Variants in SNX29 observed in about 807,000 individuals in gnomAD.
SNX29 encodes the protein sorting nexin-29.
In SNX29, 78 loss-of-function variants were observed where a neutral mutation model predicts 102.1. That is an observed-to-expected ratio of 0.76 (90% confidence interval 0.64 to 0.92). The LOEUF (loss-of-function observed/expected upper bound fraction) is 0.92, where lower values mean the gene tolerates loss of function less well. SNX29 is among the 40% of genes least tolerant of loss of function. The pLI, the probability that SNX29 is intolerant of heterozygous loss-of-function variation, is 0.00. For missense variants in SNX29, 1,280 were observed against 1,061.7 expected, an observed-to-expected ratio of 1.21 and a Z score of -2.86; for synonymous variants, 580 against 414.5, an observed-to-expected ratio of 1.40 and a Z score of -4.85.
intron 20 of SNX29, among the ~76,000 whole-genome samples, chr16:12,534,188 A>G (rs2077007071): frequency 6.6e-6 from 1 of 152,330 alleles, no homozygotes; most frequent in African/African-American, 2.4e-5. Flanking sequence ...GGTCTTCATA[A>G]GAGTGTGGGC....
At chr16:12,049,088 C>T (rs1426600500) in intron 7 of SNX29, among the ~76,000 whole-genome samples, 1 of 152,122 alleles carries the variant, frequency 6.6e-6, no homozygotes, top group Admixed American at 6.5e-5. Flanking sequence ...GCATAGACTG[C>T]TATGGGGAAC....
At chr16:12,203,178 G>C (rs113668050) in intron 14 of SNX29, among the ~76,000 whole-genome samples, 3,262 of 152,108 alleles carry the variant, frequency 0.021, 54 homozygotes, top group Admixed American at 0.048. Context: ...CAGGTGGACT[G>C]GTGGCGTTGG....
Position 12,342,178 on chromosome 16 carries a change from C to T in SNX29, c.1783-13985C>T, listed in dbSNP as rs1258568504. Among the ~76,000 whole-genome samples, 7 of 152,254 alleles carry T rather than the reference C, an allele frequency of 4.6e-5. No individual in the cohort carries two copies. The East Asian group carries it at 5.8e-4, about 13-fold the overall frequency. ...GATACTTTTGCACTTACCTTCACTG[C>T]GTATATCATGGGGATATGAGTCACC... is the stretch of plus-strand genomic sequence containing the variant. On this transcript the variant is annotated intron_variant, in intron 15 of 20. Transcript: ENST00000566228.
intron 13 of SNX29, among the ~76,000 whole-genome samples, chr16:12,178,355 G>A (rs575257973): frequency 1.4e-4 from 21 of 152,286 alleles, no homozygotes; most frequent in African/African-American, 5.1e-4. Context: ...GCAGCCAGAA[G>A]AGGTGGGAGG....
At chr16:12,093,191 A>G (rs1398966559) in intron 11 of SNX29, among the ~76,000 whole-genome samples, 1 of 152,172 alleles carries the variant, frequency 6.6e-6, no homozygotes, top group Non-Finnish European at 1.5e-5. Flanking sequence ...AGATATGTAA[A>G]TCCTTTCTGC....
At chr16:12,502,124 G>C (rs543907941) in intron 19 of SNX29, among the ~76,000 whole-genome samples, 182 of 152,292 alleles carry the variant, frequency 1.2e-3, no homozygotes, top group African/African-American at 4.2e-3. Flanking sequence ...AACATGCTCC[G>C]TCCAGATGTG....
At chr16:12,068,183 G>A (rs1255242710) in intron 9 of SNX29, among the ~76,000 whole-genome samples, 14 of 151,954 alleles carry the variant, frequency 9.2e-5, no homozygotes, top group Admixed American at 9.2e-4. Flanking sequence ...GCTCAAGGTC[G>A]AAAATGTCAC....
At chr16:12,087,790 G>A in intron 11 of SNX29, 1 of 451,784 alleles carries the variant, frequency 2.2e-6, no homozygotes. Flanking sequence ...CAAACTTCTG[G>A]GGCTGCAGCT....
intron 18 of SNX29, among the ~76,000 whole-genome samples, chr16:12,458,543 A>T (rs2086633640): frequency 6.6e-6 from 1 of 152,136 alleles, no homozygotes. Context: ...GACAGCTATC[A>T]CTGGTCCTGT....
chr16:12,493,443 G>A (rs1021188568), intron 19 of SNX29, among the ~76,000 whole-genome samples: 15 of 152,086 alleles, frequency 9.9e-5, no homozygotes, highest in African/African-American at 2.9e-4. Context: ...GGGCTGAGAC[G>A]ATGGGGTTTT....
chr16:12,459,460 G>C (rs933557013), intron 18 of SNX29, among the ~76,000 whole-genome samples: 25 of 152,270 alleles, frequency 1.6e-4, no homozygotes, highest in African/African-American at 5.8e-4. Context: ...CCCAGAGACA[G>C]GCTGGGTGGA....
rs1268356986 is a variant in SNX29, at chr16:12,412,608, T to C, written c.2037+9079T>C. 1.3e-5 allele frequency among the ~76,000 whole-genome samples: 2 copies of C among 152,212 alleles called. 1 individual carries two copies. Among genetic ancestry groups the C allele is most frequent in the African/African-American group, 4.8e-5 (2 of 41,456 alleles). ...CCTTTTCAGCCTCATATGCATAAAGTCTTCGCGTGTTAGGCTTTGAAGAAA... is the reference window on the plus strand; with the variant it reads ...CCTTTTCAGCCTCATATGCATAAAGCCTTCGCGTGTTAGGCTTTGAAGAAA... On this transcript the variant is annotated intron_variant, in intron 18 of 20. Coordinates refer to ENST00000566228, the MANE Select transcript of SNX29 (RefSeq NM_032167.5).
chr16:12,410,767 C>T (rs573205580), intron 18 of SNX29, among the ~76,000 whole-genome samples: 3 of 152,146 alleles, frequency 2.0e-5, no homozygotes, highest in African/African-American at 7.2e-5. Flanking sequence ...TCCAGCTAAG[C>T]ATATTTATAT....
intron 11 of SNX29, among the ~76,000 whole-genome samples, chr16:12,111,117 G>C (rs2053486013): frequency 6.6e-6 from 1 of 152,140 alleles, no homozygotes; most frequent in South Asian, 2.1e-4. Flanking sequence ...GTGTTTTTCT[G>C]AGGGGGCCAA....
chr16:12,244,652 T>C (rs1185894392), intron 14 of SNX29, among the ~76,000 whole-genome samples: 2 of 151,232 alleles, frequency 1.3e-5, no homozygotes, highest in Non-Finnish European at 2.9e-5. Flanking sequence ...GAATGGAGGG[T>C]TTCTTGTGTG....
At position 11,999,498 on chromosome 16, in the gene SNX29, C is replaced by A. The variant is rs558450300; in HGVS notation, c.69+140C>A. ...CAGTGAAGTGATCTACTCATTTTTC[C>A]CAGGAAATGATAGAGCAGTGAACAC... On this transcript the variant is annotated intron_variant, in intron 2 of 20. Coordinates refer to ENST00000566228, the MANE Select transcript of SNX29 (RefSeq NM_032167.5). 1,663 of 858,678 alleles carry A rather than the reference C, an allele frequency of 1.9e-3. 1 individual carries two copies. Among genetic ancestry groups the A allele is most frequent in the Non-Finnish European group, 2.7e-3 (1,537 of 559,410 alleles). The allele number at this position is 858,678 out of a possible 1,614,324, so 53.2% of individuals were successfully genotyped here.
At chr16:12,251,672 C>T (rs1485160184) in intron 14 of SNX29, among the ~76,000 whole-genome samples, 1 of 152,148 alleles carries the variant, frequency 6.6e-6, no homozygotes, top group Admixed American at 6.5e-5. Context: ...CATTGCACTC[C>T]AGCCTGGGCA....
intron 18 of SNX29, among the ~76,000 whole-genome samples, chr16:12,416,621 G>C (rs1441214416): frequency 6.6e-6 from 1 of 152,202 alleles, no homozygotes; most frequent in African/African-American, 2.4e-5. Flanking sequence ...AGTTCTGCAG[G>C]CTGTACAAGA....
chr16:12,229,570 T>C (rs1005171287), intron 14 of SNX29, among the ~76,000 whole-genome samples: 1 of 152,108 alleles, frequency 6.6e-6, no homozygotes, highest in African/African-American at 2.4e-5. Flanking sequence ...ATTTTTCATC[T>C]TTTACAATTC....
Sources: gnomAD v4.1 joint callset for allele counts (sites outside exome capture counted in the v4.1 genomes callset) on GRCh38, gnomAD v4.1.1 for gene constraint, MANE v1.5 for transcripts, NCBI Gene and HGNC (gene_info 2026-07-23, HGNC 2026-07-21) for gene names.